The following SORCS2 variants were observed in gnomAD, a reference collection of about 807,000 sequenced individuals.
SORCS2 encodes VPS10 domain-containing receptor SorCS2.
In SORCS2, 100 loss-of-function variants were observed where a neutral mutation model predicts 141.6. The ratio of observed to expected loss-of-function variants is 0.71; its 90% CI spans 0.60 to 0.83. The LOEUF (loss-of-function observed/expected upper bound fraction) is 0.83, where lower values mean the gene tolerates loss of function less well. Ranked by LOEUF, SORCS2 falls within the 40% of genes least tolerant of loss-of-function variation. The pLI, the probability that SORCS2 is intolerant of heterozygous loss-of-function variation, is 0.00. For synonymous variants in SORCS2, 789 were observed against 676.9 expected (o/e 1.17, Z -2.57); for missense variants, 1,646 against 1,560.2 (o/e 1.05, Z -0.93).
rs556508966 is a variant in SORCS2, at chr4:7,610,567, G to T, written c.649-27761G>T. On this transcript the variant is annotated intron_variant, in intron 3 of 26. Transcript: ENST00000507866. ...AAGAAACAGCCGGGCCATAGCTGAGGTCTTTCCACCTGGGGTGGGGCTTGG... is the reference window on the plus strand; with the variant it reads ...AAGAAACAGCCGGGCCATAGCTGAGTTCTTTCCACCTGGGGTGGGGCTTGG... 2.6e-5 allele frequency among the ~76,000 whole-genome samples: 4 copies of T among 152,298 alleles called. No homozygotes were observed. In the South Asian group the frequency reaches 8.3e-4, roughly 32 times the overall value.
intron 3 of SORCS2, among the ~76,000 whole-genome samples, chr4:7,613,805 A>G (rs1348995571): frequency 6.6e-6 from 1 of 151,816 alleles, no homozygotes; most frequent in Non-Finnish European, 1.5e-5. Context: ...CTACCAATCT[A>G]TCTTTCCATC....
chr4:7,283,911 G>C (rs1295976304), intron 1 of SORCS2, among the ~76,000 whole-genome samples: 1 of 152,146 alleles, frequency 6.6e-6, no homozygotes, highest in East Asian at 1.9e-4. Flanking sequence ...ATAGGAGCGA[G>C]GGATCCTTTG....
chr4:7,347,329 C>T (rs1720699458), intron 1 of SORCS2, among the ~76,000 whole-genome samples: 1 of 152,356 alleles, frequency 6.6e-6, no homozygotes, highest in Non-Finnish European at 1.5e-5. Flanking sequence ...TCCTTGGCAA[C>T]CCTGAATCCA....
intron 1 of SORCS2, among the ~76,000 whole-genome samples, chr4:7,232,010 T>C (rs901998630): frequency 3.9e-5 from 6 of 152,190 alleles, no homozygotes; most frequent in Non-Finnish European, 8.8e-5. Flanking sequence ...AGCTGTGTTC[T>C]GACAAGGGCC....
chr4:7,327,871 G>GC (rs1215075374), intron 1 of SORCS2, among the ~76,000 whole-genome samples: 2 of 152,020 alleles, frequency 1.3e-5, no homozygotes, highest in Admixed American at 1.3e-4. Context: ...TGCTGTCCTG[G>GC]CCAGGGCATT....
chr4:7,405,620 C>T (rs773601913), intron 2 of SORCS2, among the ~76,000 whole-genome samples: 3 of 151,954 alleles, frequency 2.0e-5, no homozygotes, highest in African/African-American at 4.8e-5. Context: ...ATGGGATTGC[C>T]TTCTTGATTT....
intron 14 of SORCS2, among the ~76,000 whole-genome samples, chr4:7,709,797 T>C (rs1332706696): frequency 6.6e-6 from 1 of 152,174 alleles, no homozygotes; most frequent in African/African-American, 2.4e-5. Flanking sequence ...CCAGTCACTT[T>C]CACCTGCCTC....
At chr4:7,269,977 T>C (rs189730481) in intron 1 of SORCS2, among the ~76,000 whole-genome samples, 1 of 152,182 alleles carries the variant, frequency 6.6e-6, no homozygotes, top group Non-Finnish European at 1.5e-5. Flanking sequence ...CCTCCTGGGG[T>C]CAAGCGATTT....
At chr4:7,561,219 A>G (rs2109672508) in intron 3 of SORCS2, among the ~76,000 whole-genome samples, 1 of 152,222 alleles carries the variant, frequency 6.6e-6, no homozygotes, top group South Asian at 2.1e-4. Context: ...TTAATTTGTC[A>G]TACAGGGCTA....
intron 3 of SORCS2, among the ~76,000 whole-genome samples, chr4:7,568,802 G>A (rs1715190799): frequency 6.6e-6 from 1 of 152,238 alleles, no homozygotes; most frequent in Admixed American, 6.5e-5. Context: ...GCAATTACAA[G>A]GTAGTGGGAA....
chr4:7,387,412 T>C (rs1723441938), intron 1 of SORCS2, among the ~76,000 whole-genome samples: 1 of 50,398 alleles, frequency 2.0e-5, no homozygotes, highest in Non-Finnish European at 4.1e-5. Context: ...TACACAGAAA[T>C]ACACACATGC....
intron 1 of SORCS2, among the ~76,000 whole-genome samples, chr4:7,274,940 C>T (rs1345256578): frequency 1.3e-5 from 2 of 152,098 alleles, no homozygotes; most frequent in Non-Finnish European, 1.5e-5. Flanking sequence ...TGTGGCATGC[C>T]CACAACACGC....
chr4:7,398,754 T>C (rs1289811436), intron 2 of SORCS2, among the ~76,000 whole-genome samples: 1 of 152,250 alleles, frequency 6.6e-6, no homozygotes. Flanking sequence ...TTTATGGCTG[T>C]TACGAGCCCC....
intron 3 of SORCS2, among the ~76,000 whole-genome samples, chr4:7,539,328 G>A (rs1417602376): frequency 2.6e-5 from 4 of 152,152 alleles, no homozygotes; most frequent in African/African-American, 7.2e-5. Flanking sequence ...CGGGGTGGTG[G>A]TACCACCTGC....
At chr4:7,706,080 T>C (rs375064291) in intron 14 of SORCS2, among the ~76,000 whole-genome samples, 7,625 of 62,036 alleles carry the variant, frequency 0.12, 223 homozygotes, top group Middle Eastern at 0.17. Flanking sequence ...GGCTGGGCTC[T>C]GCCTGGACAG....
intron 1 of SORCS2, among the ~76,000 whole-genome samples, chr4:7,271,344 C>T (rs748252627): frequency 1.3e-5 from 2 of 152,214 alleles, no homozygotes; most frequent in Non-Finnish European, 2.9e-5. Flanking sequence ...TCAGCCTCAT[C>T]TCCTGTTCCT....
At position 7,450,458 on chromosome 4, in the gene SORCS2, C is replaced by T. The variant is rs75005908; in HGVS notation, c.548+54103C>T. Among the ~76,000 whole-genome samples the T allele has an allele frequency of 2.2e-3, 337 of 152,350 alleles. 2 individuals carry two copies. Among genetic ancestry groups the T allele is most frequent in the African/African-American group, 7.6e-3 (315 of 41,580 alleles). Reference sequence around the variant, plus strand: ...AGGCGAGGCCCCATCATCTTTGTGTCTGCTCAGCAGCTTCTGGGTAACTGT... The same window carrying T: ...AGGCGAGGCCCCATCATCTTTGTGTTTGCTCAGCAGCTTCTGGGTAACTGT... On this transcript the variant is annotated intron_variant, in intron 2 of 26. Transcript: ENST00000507866.
chr4:7,665,310 C>T (rs1385441464), intron 7 of SORCS2, among the ~76,000 whole-genome samples: 1 of 152,204 alleles, frequency 6.6e-6, no homozygotes, highest in Non-Finnish European at 1.5e-5. Context: ...AGGCAGTGGG[C>T]ATCCCATCCC....
intron 2 of SORCS2, among the ~76,000 whole-genome samples, chr4:7,459,603 A>T (rs56292954): frequency 0.052 from 7,930 of 152,210 alleles, 699 homozygotes; most frequent in African/African-American, 0.18. Flanking sequence ...GCCGCCTCTC[A>T]GAGCTCTGAA....
Sources: allele counts gnomAD v4.1 joint callset (sites outside exome capture counted in the v4.1 genomes callset), GRCh38; gene constraint gnomAD v4.1.1; transcripts MANE v1.5; gene names NCBI Gene and HGNC (gene_info 2026-07-23, HGNC 2026-07-21).